Variants in SYT14 observed in about 807,000 individuals in gnomAD.
SYT14 encodes synaptotagmin 14, also known as synaptotagmin-14.
SYT14 carries 32 observed loss-of-function variants against 74.2 expected under a neutral mutation model. The observed-to-expected ratio is 0.43, with a 90% CI of 0.33 to 0.58. The LOEUF is 0.58. Ranked by LOEUF, SYT14 falls within the 20% of genes least tolerant of loss-of-function variation. The pLI, the probability that SYT14 is intolerant of heterozygous loss-of-function variation, is 0.05. For missense variants in SYT14, 791 were observed against 981.8 expected, an observed-to-expected ratio of 0.81 and a Z score of 2.60; for synonymous variants, 298 against 337.7, an observed-to-expected ratio of 0.88 and a Z score of 1.29.
chr1:209,943,490 CAG>C (rs2078769616), intron 1 of SYT14, among the ~76,000 whole-genome samples: 1 of 100,888 alleles, frequency 9.9e-6, no homozygotes, highest in African/African-American at 3.9e-5. Context: ...GCCTGGACAA[CAG>C]AGCGAGATTC....
chr1:210,111,931 A>G lies in SYT14; in HGVS notation c.2034+11470A>G, dbSNP rs188916242. ...AGGTGAGGTGTGTTTTTAAAAGACC[A>G]TTAGTCCATTTTATCTTTCCTGAAG... On this transcript the variant is annotated intron_variant, in intron 7 of 9. Coordinates refer to ENST00000637265, the Ensembl canonical transcript of SYT14. Among the ~76,000 whole-genome samples the G allele has an allele frequency of 1.5e-4, 22 of 151,234 alleles. 2 individuals are homozygous for G. Among genetic ancestry groups the G allele is most frequent in the African/African-American group, 4.9e-4 (20 of 40,588 alleles).
rs115288079 is a variant in SYT14, at chr1:210,029,152, C to G, written c.1312+7898C>G. The stretch of plus-strand genomic sequence containing the variant: ...TTGGTTGTTGAGTTTTAGGAATTCT[C>G]CATATATTTTGGATATTAATCTCTT... On this transcript the variant is annotated intron_variant, in intron 5 of 9. Coordinates refer to ENST00000637265, the Ensembl canonical transcript of SYT14. Among the ~76,000 whole-genome samples the G allele has an allele frequency of 2.5e-3, 385 of 152,182 alleles. 1 individual carries two copies. The highest frequency in any genetic ancestry group is 8.8e-3 in the African/African-American group (366 of 41,514).
At chr1:210,112,840 G>A (rs2082289148) in intron 7 of SYT14, among the ~76,000 whole-genome samples, 1 of 151,372 alleles carries the variant, frequency 6.6e-6, no homozygotes, top group Non-Finnish European at 1.5e-5. Context: ...TTTAGAGTCA[G>A]TATAAATATT....
chr1:210,095,750 A>G (rs1241029303), intron 6 of SYT14, among the ~76,000 whole-genome samples: 1 of 152,174 alleles, frequency 6.6e-6, no homozygotes, highest in African/African-American at 2.4e-5. Context: ...TTCTTCTATA[A>G]TTGTTAAAAC....
At chr1:209,975,127 T>A (rs1291017633) in intron 2 of SYT14, among the ~76,000 whole-genome samples, 1 of 152,004 alleles carries the variant, frequency 6.6e-6, no homozygotes. Flanking sequence ...GACAGTGGGG[T>A]TTTCTAGATA....
chr1:210,034,432 AAT>A (rs928220740), intron 5 of SYT14, among the ~76,000 whole-genome samples: 1 of 150,938 alleles, frequency 6.6e-6, no homozygotes, highest in East Asian at 1.9e-4. Flanking sequence ...ATTTTATATA[AAT>A]ATATATACAT....
chr1:210,014,208 A>G (rs984483316), intron 3 of SYT14, among the ~76,000 whole-genome samples: 3 of 151,954 alleles, frequency 2.0e-5, no homozygotes, highest in Non-Finnish European at 1.5e-5. Flanking sequence ...TTTACCTGCT[A>G]TTTAATTTTC....
chr1:210,066,268 T>C (rs1168084557), intron 5 of SYT14, among the ~76,000 whole-genome samples: 1 of 151,942 alleles, frequency 6.6e-6, no homozygotes, highest in Admixed American at 6.6e-5. Context: ...GGTCAAATGG[T>C]ATTTCTAGTT....
intron 6 of SYT14, 114 bp from the exon 6 acceptor site, chr1:210,099,898 T>C: frequency 8.4e-6 from 9 of 1,072,122 alleles, no homozygotes; most frequent in Non-Finnish European, 1.2e-5. Flanking sequence ...ATTGTATTAC[T>C]TTCTTTGTGG....
intron 2 of SYT14, among the ~76,000 whole-genome samples, chr1:209,970,007 C>T (rs2079221730): frequency 3.9e-5 from 6 of 152,052 alleles, no homozygotes. Flanking sequence ...TTCTCCCATT[C>T]TGCAGGCTGG....
In SYT14 at chr1:210,081,933, A is replaced by G. The variant is rs568526133; in HGVS notation, c.1313-12389A>G. The stretch of plus-strand genomic sequence containing the variant: ...ATGAATATGATTAAGCATAGGAATT[A>G]GATTCATTTGGAAAAAAGTCATGCT... On this transcript the variant is annotated intron_variant, in intron 5 of 9. Transcript: ENST00000637265. Among the ~76,000 whole-genome samples, 4 of 152,346 alleles carry G rather than the reference A, an allele frequency of 2.6e-5. No homozygotes were observed. The East Asian group carries it at 7.7e-4, about 29-fold the overall frequency.
At chr1:210,068,989 A>G (rs1041380401) in intron 5 of SYT14, among the ~76,000 whole-genome samples, 1 of 151,442 alleles carries the variant, frequency 6.6e-6, no homozygotes, top group Non-Finnish European at 1.5e-5. Flanking sequence ...CTTCATTTTT[A>G]TTTGTTTTTA....
chr1:210,027,352 T>C lies in SYT14; in HGVS notation c.1312+6098T>C, dbSNP rs182430896. Among the ~76,000 whole-genome samples the C allele has an allele frequency of 2.6e-5, 4 of 151,302 alleles. No individual in the cohort carries two copies. In the East Asian group the frequency reaches 7.8e-4, roughly 29 times the overall value. On this transcript the variant is annotated intron_variant, in intron 5 of 9. Coordinates refer to ENST00000637265, the Ensembl canonical transcript of SYT14. Reference sequence around the variant, plus strand: ...ACCACTTAAGCCCAGGAGTTTGAGGTTGCAGTGAACTGTGATCATGCAACT... The same window carrying C: ...ACCACTTAAGCCCAGGAGTTTGAGGCTGCAGTGAACTGTGATCATGCAACT...
chr1:210,027,568 TGG>T (rs1303103002), intron 5 of SYT14, among the ~76,000 whole-genome samples: 34 of 152,240 alleles, frequency 2.2e-4, no homozygotes, highest in Admixed American at 7.9e-4. Context: ...ATCCCAGAGA[TGG>T]ATGAAAATCT....
chr1:210,144,018 C>T lies in SYT14; in HGVS notation c.2035-11703C>T, dbSNP rs533386636. On this transcript the variant is annotated intron_variant, in intron 7 of 9. Transcript: ENST00000637265. ...AACTTTTAAAACATGTCCAAGGTCACGCAGATGGCAAAAAGTTAGAGCTTA... is the reference window on the plus strand; with the variant it reads ...AACTTTTAAAACATGTCCAAGGTCATGCAGATGGCAAAAAGTTAGAGCTTA... 2.6e-5 allele frequency among the ~76,000 whole-genome samples: 4 copies of T among 152,180 alleles called. No homozygotes were observed. The East Asian group carries it at 5.8e-4, about 22-fold the overall frequency.
At chr1:210,094,221 A>G in intron 5 of SYT14, 101 bp from the exon 5 acceptor site, 1 of 1,503,444 alleles carries the variant, frequency 6.7e-7, no homozygotes, top group Non-Finnish European at 9.2e-7. Context: ...GTTGCCATCA[A>G]TTTTTTGATC....
intron 5 of SYT14, among the ~76,000 whole-genome samples, chr1:210,060,361 C>T (rs2081186116): frequency 6.7e-6 from 1 of 150,220 alleles, no homozygotes; most frequent in Non-Finnish European, 1.5e-5. Context: ...TTATAATTGC[C>T]AGCATAATAT....
At chr1:210,011,514 T>A (rs1351243648) in intron 2 of SYT14, among the ~76,000 whole-genome samples, 1 of 152,116 alleles carries the variant, frequency 6.6e-6, no homozygotes, top group East Asian at 1.9e-4. Context: ...TCACTCCCAT[T>A]GCCCCTGCCT....
At chr1:209,975,997 G>A (rs994741131) in intron 2 of SYT14, among the ~76,000 whole-genome samples, 8 of 152,132 alleles carry the variant, frequency 5.3e-5, no homozygotes, top group African/African-American at 1.4e-4. Flanking sequence ...GCATAGAGGT[G>A]TTTATAGTAT....
Sources: allele counts gnomAD v4.1 joint callset (sites outside exome capture counted in the v4.1 genomes callset), GRCh38; gene constraint gnomAD v4.1.1; transcripts MANE v1.5; gene names NCBI Gene and HGNC (gene_info 2026-07-23, HGNC 2026-07-21).